The following MME variants were observed in gnomAD, a reference collection of about 807,000 sequenced individuals.
MME encodes membrane metalloendopeptidase, also known as neprilysin.
MME carries 98 observed loss-of-function variants against 113.2 expected under a neutral mutation model. The observed-to-expected ratio is 0.87, with a 90% CI of 0.74 to 1.02. The LOEUF (loss-of-function observed/expected upper bound fraction) is 1.02, where lower values mean the gene tolerates loss of function less well. Among genes scored for constraint, MME ranks in the 50% least tolerant of loss-of-function variants. The probability of loss-of-function intolerance (pLI) is 0.00; values close to 1 mark genes in which losing one functional copy is unlikely to be tolerated. For synonymous variants in MME, 292 were observed against 300.6 expected (o/e 0.97, Z 0.30); for missense variants, 836 against 896.0 (o/e 0.93, Z 0.86).
intron 1 of MME, among the ~76,000 whole-genome samples, chr3:155,033,633 T>C (rs1047665528): frequency 2.0e-5 from 3 of 152,200 alleles, no homozygotes; most frequent in African/African-American, 7.2e-5. Context: ...GCAACATTTG[T>C]TGGCTAAACA....
At chr3:155,079,633 G>GC (rs1304589507), upstream of MME, 2 of 141,966 alleles carry the variant, frequency 1.4e-5, no homozygotes, top group Admixed American at 6.9e-5. Flanking sequence ...TAGGGGGTGG[G>GC]GGGGGTGGGC....
intron 20 of MME, among the ~76,000 whole-genome samples, chr3:155,170,087 C>T (rs1711752228): frequency 6.6e-6 from 1 of 152,122 alleles, no homozygotes; most frequent in South Asian, 2.1e-4. Context: ...ATTCTGTCGC[C>T]CAGGCTGGAA....
chr3:155,053,961 T>C (rs1254762137), intron 1 of MME, among the ~76,000 whole-genome samples: 2 of 152,160 alleles, frequency 1.3e-5, no homozygotes, highest in African/African-American at 4.8e-5. Flanking sequence ...TAACTTCCAA[T>C]TTCTCCCTAT....
intron 8 of MME, among the ~76,000 whole-genome samples, chr3:155,133,741 GGTGTATATATATA>G (rs1720388458): frequency 7.4e-6 from 1 of 134,838 alleles, no homozygotes; most frequent in African/African-American, 2.8e-5. Context: ...ACATATATAT[GGTGTATATATATA>G]TGTGTATATA....
intron 3 of MME, among the ~76,000 whole-genome samples, chr3:155,101,141 T>C (rs1717173355): frequency 6.6e-6 from 1 of 152,086 alleles, no homozygotes; most frequent in Non-Finnish European, 1.5e-5. Context: ...TCCTTCACGT[T>C]CTCTCATAAG....
chr3:155,052,628 A>C (rs958838571), intron 1 of MME, among the ~76,000 whole-genome samples: 2 of 152,222 alleles, frequency 1.3e-5, no homozygotes, highest in Admixed American at 1.3e-4. Flanking sequence ...TGCACAGGGC[A>C]GGGGGGCCCT....
At chr3:155,145,679 T>C (rs1165393727) in intron 14 of MME, among the ~76,000 whole-genome samples, 4 of 152,168 alleles carry the variant, frequency 2.6e-5, no homozygotes, top group Admixed American at 2.6e-4. Flanking sequence ...CCATTTTTAA[T>C]TGTAAGAAGT....
rs1472365714 is a variant in MME, at chr3:155,181,787, T to C, written c.*1328T>C. 2 of 152,140 alleles carry C rather than the reference T, an allele frequency of 1.3e-5. No individual in the cohort carries two copies. The highest frequency in any genetic ancestry group is 2.9e-5 in the Non-Finnish European group (2 of 68,020). 9.4% of individuals were successfully genotyped at this position (152,140 alleles called of 1,614,324 possible). ...TGTATTGACTATTTTCGTTCATTAC[T>C]TGATTAAGATTTTACAAAAGAGGAG... On this transcript the variant is annotated 3_prime_UTR_variant, in exon 23 of 23. Transcript: ENST00000360490.
intron 1 of MME, among the ~76,000 whole-genome samples, chr3:155,051,107 A>C (rs1713750360): frequency 6.6e-6 from 1 of 152,222 alleles, no homozygotes; most frequent in Admixed American, 6.5e-5. Flanking sequence ...GTTAAGCAAA[A>C]GAAACCAGAG....
intron 18 of MME, 124 bp from the exon 19 acceptor site, chr3:155,168,368 C>T: frequency 2.3e-6 from 2 of 883,142 alleles, no homozygotes; most frequent in Non-Finnish European, 3.7e-6. Flanking sequence ...CAGTCTCTCT[C>T]ATCGTCTGCC....
At chr3:155,163,589 C>T (rs1164643935) in intron 17 of MME, among the ~76,000 whole-genome samples, 1 of 152,166 alleles carries the variant, frequency 6.6e-6, no homozygotes, top group Non-Finnish European at 1.5e-5. Flanking sequence ...GTTCAGTCAT[C>T]TTATTAAACC....
chr3:155,042,777 AC>A (rs1713370777), intron 1 of MME, among the ~76,000 whole-genome samples: 1 of 150,456 alleles, frequency 6.6e-6, no homozygotes, highest in African/African-American at 2.4e-5. Context: ...CATGTTTTTG[AC>A]CCTTTACATT....
At chr3:155,144,209 A>G (rs1449997103) in intron 13 of MME, 150 bp from the exon 14 acceptor site, 6 of 667,944 alleles carry the variant, frequency 9.0e-6, no homozygotes, top group East Asian at 8.2e-5. Flanking sequence ...ATGGTCCCAT[A>G]TATCTGTTAG....
rs72995804 is a variant in MME, at chr3:155,179,665, C to T, written c.2154-695C>T. Among the ~76,000 whole-genome samples the T allele has an allele frequency of 3.0e-3, 450 of 152,262 alleles. 4 individuals are homozygous for T. The highest frequency in any genetic ancestry group is 0.01 in the African/African-American group (423 of 41,562). ...GGTGGGTGTGAAAACATCACCTCTG[C>T]ATCAATGTACTGACCCATCTCTCCC... On this transcript the variant is annotated intron_variant, in intron 22 of 22. Coordinates refer to ENST00000360490, the MANE Select transcript of MME (RefSeq NM_007289.4).
chr3:155,127,298 A>AT (rs1224059492), intron 8 of MME, among the ~76,000 whole-genome samples: 2 of 152,028 alleles, frequency 1.3e-5, no homozygotes, highest in East Asian at 1.9e-4. Context: ...GCTTTCTTTG[A>AT]TTTTTTGCTC....
chr3:155,180,566 G>A lies in MME; in HGVS notation c.*107G>A, dbSNP rs1712995333. The A allele has an allele frequency of 6.0e-6, 5 of 831,998 alleles. No homozygotes were observed. The Admixed American group carries it at 7.2e-5, about 12-fold the overall frequency. 51.5% of individuals were successfully genotyped at this position (831,998 alleles called of 1,614,324 possible). A position where few individuals can be genotyped will look rare whatever the true frequency, so the allele number is the denominator to read the frequency against. ...GCCCTAGGGGTCACTGTACTGACTT[G>A]AGGGTGATTAACAGAGAGGGCACCA... On this transcript the variant is annotated 3_prime_UTR_variant, in exon 23 of 23. Transcript: ENST00000360490.
At chr3:155,042,940 G>GTGTA (rs1348422171) in intron 1 of MME, among the ~76,000 whole-genome samples, 18 of 53,576 alleles carry the variant, frequency 3.4e-4, no homozygotes, top group Admixed American at 5.5e-4. Context: ...ATATATATAT[G>GTGTA]TATATATATA....
At position 155,156,311 on chromosome 3, in the gene MME, C is replaced by T. The variant is rs73875835; in HGVS notation, c.1602-4079C>T. Among the ~76,000 whole-genome samples the T allele has an allele frequency of 5.9e-3, 899 of 152,170 alleles. 8 individuals carry two copies. Among genetic ancestry groups the T allele is most frequent in the African/African-American group, 0.021 (866 of 41,518 alleles). On this transcript the variant is annotated intron_variant, in intron 16 of 22. Transcript: ENST00000360490. ...TTGTGTTCTACGTTGTATAATGCAC[C>T]TAGAACATAACTTAGGTGCTCATTA...
chr3:155,141,246 A>G (rs1262196030), intron 10 of MME, among the ~76,000 whole-genome samples: 1 of 152,218 alleles, frequency 6.6e-6, no homozygotes, highest in Admixed American at 6.5e-5. Context: ...AGTGTTTAAT[A>G]AATACGTTTT....
Sources: gnomAD v4.1 joint callset for allele counts (sites outside exome capture counted in the v4.1 genomes callset) on GRCh38, gnomAD v4.1.1 for gene constraint, MANE v1.5 for transcripts, NCBI Gene and HGNC (gene_info 2026-07-23, HGNC 2026-07-21) for gene names.